Variants in PHLPP2 observed in about 807,000 individuals in gnomAD.
The protein encoded by PHLPP2 is PH domain leucine-rich repeat-containing protein phosphatase 2.
In PHLPP2, 66 loss-of-function variants were observed where a neutral mutation model predicts 124.9. The ratio of observed to expected loss-of-function variants is 0.53; its 90% CI spans 0.43 to 0.65. The LOEUF (loss-of-function observed/expected upper bound fraction) is 0.65, where lower values mean the gene tolerates loss of function less well. Ranked by LOEUF, PHLPP2 falls within the 30% of genes least tolerant of loss-of-function variation. PHLPP2 has a pLI of 0.00. For synonymous variants in PHLPP2, 681 were observed against 624.7 expected (o/e 1.09, Z -1.34); for missense variants, 1,685 against 1,600.4 (o/e 1.05, Z -0.90).
intron 13 of PHLPP2, among the ~76,000 whole-genome samples, chr16:71,662,810 C>T (rs531430139): frequency 3.8e-4 from 58 of 151,952 alleles, no homozygotes; most frequent in Non-Finnish European, 7.1e-4. Flanking sequence ...ATCACTTCAG[C>T]CCAGGAGTTT....
At chr16:71,670,725 A>ACACACACACACACACACACAC (rs2044885284) in intron 10 of PHLPP2, among the ~76,000 whole-genome samples, 1 of 17,986 alleles carries the variant, frequency 5.6e-5, no homozygotes, top group Non-Finnish European at 1.3e-4. Context: ...CACACACGAG[A>ACACACACACACACACACACAC]GGAGGGGAAG....
At chr16:71,664,767 AT>A (rs1222780512) in intron 12 of PHLPP2, among the ~76,000 whole-genome samples, 1 of 151,870 alleles carries the variant, frequency 6.6e-6, no homozygotes, top group Non-Finnish European at 1.5e-5. Context: ...GAAAAAAAAA[AT>A]TTTTTTGTCT....
intron 18 of PHLPP2, among the ~76,000 whole-genome samples, chr16:71,651,461 G>A (rs888518805): frequency 2.0e-5 from 3 of 152,126 alleles, no homozygotes; most frequent in Non-Finnish European, 4.4e-5. Flanking sequence ...CTACTCAGGA[G>A]GCTAAAGCAG....
At chr16:71,664,172 CA>C in intron 12 of PHLPP2, 73 bp from the exon 13 acceptor site, 1 of 1,005,206 alleles carries the variant, frequency 9.9e-7, no homozygotes, top group South Asian at 1.3e-5. Context: ...ACCATCATGT[CA>C]CCTCAGTATG....
Position 71,646,752 on chromosome 16 carries a change from C to G in PHLPP2, c.*2138G>C, listed in dbSNP as rs1382667958. 2 of 152,042 alleles carry G rather than the reference C, an allele frequency of 1.3e-5. No homozygotes were observed. Among genetic ancestry groups the G allele is most frequent in the Non-Finnish European group, 2.9e-5 (2 of 68,026 alleles). 9.4% of individuals were successfully genotyped at this position (152,042 alleles called of 1,614,324 possible). ...ATAAGGTGGCAAAACACTCTTGTTCCCATCTTTCTAACAGCACCTAAACTC... is the reference window on the plus strand; with the variant it reads ...ATAAGGTGGCAAAACACTCTTGTTCGCATCTTTCTAACAGCACCTAAACTC... On this transcript the variant is annotated 3_prime_UTR_variant, in exon 19 of 19. Transcript: ENST00000568954.
Position 71,648,628 on chromosome 16 carries a change from C to T in PHLPP2, c.*262G>A, listed in dbSNP as rs1255763777. ...CTAAAAAAAAAAAATAAAACTTAGC[C>T]GGGCATAATGGCAGGTGCCTGTAAT... On this transcript the variant is annotated 3_prime_UTR_variant, in exon 19 of 19. Coordinates refer to ENST00000568954, the MANE Select transcript of PHLPP2 (RefSeq NM_015020.3). The T allele has an allele frequency of 6.5e-6, 3 of 459,142 alleles. No individual in the cohort carries two copies. Among genetic ancestry groups the T allele is most frequent in the Non-Finnish European group, 1.2e-5 (3 of 260,754 alleles). The allele number at this position is 459,142 out of a possible 1,614,324, so 28.4% of individuals were successfully genotyped here.
intron 4 of PHLPP2, among the ~76,000 whole-genome samples, chr16:71,689,781 C>T (rs1472464965): frequency 6.6e-6 from 1 of 152,120 alleles, no homozygotes; most frequent in Non-Finnish European, 1.5e-5. Flanking sequence ...TCCTGAGTAG[C>T]TGGGATTACA....
In PHLPP2 at chr16:71,650,053, G is replaced by C. The variant is rs182647340; in HGVS notation, c.2818-9C>G. On this transcript the variant is annotated splice_polypyrimidine_tract_variant and intron_variant, in intron 18 of 18. Coordinates refer to ENST00000568954, the MANE Select transcript of PHLPP2 (RefSeq NM_015020.3). ...CCATTCACTTTGTTGTCCTACAGAA[G>C]AGCAGGACACAAATTCTGAGAAACA... The C allele has an allele frequency of 2.5e-6, 4 of 1,593,768 alleles. No individual in the cohort carries two copies. The East Asian group carries it at 9.0e-5, about 36-fold the overall frequency.
intron 15 of PHLPP2, 26 bp from the exon 16 acceptor site, chr16:71,656,707 C>T: frequency 7.7e-7 from 1 of 1,303,114 alleles, no homozygotes; most frequent in South Asian, 1.2e-5. Context: ...GAAGATTAAA[C>T]CATATATTCT....
chr16:71,655,513 T>TC, intron 16 of PHLPP2, 79 bp from the exon 17 acceptor site: 1 of 1,187,472 alleles, frequency 8.4e-7, no homozygotes, highest in Non-Finnish European at 1.2e-6. Context: ...CTTTTTTTTT[T>TC]TTTTTTTGAG....
intron 2 of PHLPP2, among the ~76,000 whole-genome samples, chr16:71,706,987 G>A (rs891931903): frequency 9.4e-6 from 1 of 106,374 alleles, no homozygotes; most frequent in African/African-American, 3.8e-5. Context: ...ACGGAGTCTT[G>A]CTGTCGCCCA....
At chr16:71,666,571 A>T (rs1277462256) in intron 12 of PHLPP2, among the ~76,000 whole-genome samples, 1 of 152,208 alleles carries the variant, frequency 6.6e-6, no homozygotes, top group Non-Finnish European at 1.5e-5. Flanking sequence ...CCACAAAACT[A>T]GTTTTCACTT....
intron 2 of PHLPP2, among the ~76,000 whole-genome samples, chr16:71,703,666 T>G (rs1482655547): frequency 6.6e-6 from 1 of 152,208 alleles, no homozygotes; most frequent in East Asian, 1.9e-4. Flanking sequence ...GTTCAAGTCT[T>G]AGTCCTGCCA....
In PHLPP2 at chr16:71,714,570, T is replaced by C. The variant is rs2045345722; in HGVS notation, c.226A>G (p.Ile76Val). 6.2e-7 allele frequency: 1 copy of C among 1,614,034 alleles called. No homozygotes were observed. Among genetic ancestry groups the C allele is most frequent in the South Asian group, 1.1e-5 (1 of 91,070 alleles). Residue 76 changes from isoleucine to valine, a missense_variant, in exon 2 of 19, where the codon ATA (isoleucine) becomes GTA (valine). Ile to Val is a conservative substitution (Grantham distance 29). Coordinates refer to ENST00000568954, the MANE Select transcript of PHLPP2 (RefSeq NM_015020.3). ...CTTTCTCTTCCCTCTCCAGCACATA[T>C]TTCTGATGCTGGTGTCTCTACAGTG... ...LCTVETPASE[I>V]CAGEGRESLY...
At position 71,663,963 on chromosome 16, in the gene PHLPP2, C is replaced by T. The variant is rs1387346178; in HGVS notation, c.1921G>A (p.Val641Ile). ...AAGATTCGCAGGTGCAGGTGCCCTA[C>T]CAGGACAGGTATGCACTGATCCGTC... ...LLTDQCIPVL[V>I]GHLHLRILHL... The change falls in exon 13 of 19, where the codon GTA becomes ATA. Residue 641 changes from valine (V) to isoleucine (I), a missense_variant. Physicochemically the swap from Val to Ile is conservative, Grantham distance 29. Transcript: ENST00000568954. 2 of 1,613,952 alleles carry T rather than the reference C, an allele frequency of 1.2e-6. No homozygotes were observed. The highest frequency in any genetic ancestry group is 1.3e-5 in the African/African-American group (1 of 74,922).
At chr16:71,684,166 A>G (rs1044474219) in intron 5 of PHLPP2, among the ~76,000 whole-genome samples, 4 of 138,890 alleles carry the variant, frequency 2.9e-5, no homozygotes, top group Non-Finnish European at 6.1e-5. Flanking sequence ...TTGCTCTGTC[A>G]TCAGGCTGGA....
Position 71,658,270 on chromosome 16 carries a change from T to A in PHLPP2, c.2242A>T (p.Asn748Tyr), listed in dbSNP as rs1347026092. ...AGTGTCTTGTGTTCCAGAACCAGAT[T>A]TGTATTTCCAGTCAGGTCAAGGTCT... is the stretch of plus-strand genomic sequence containing the variant. ...LQDLDLTGNT[N>Y]LVLEHKTLDI... is the part of the protein sequence containing the mutation. The change falls in exon 15 of 19, where the codon AAT becomes TAT. Residue 748 changes from asparagine (N) to tyrosine (Y), a missense_variant. By Grantham distance (143) the Asn-to-Tyr change is moderately radical. Transcript: ENST00000568954. 1 of 1,613,886 alleles carries A rather than the reference T, an allele frequency of 6.2e-7. No homozygotes were observed. The highest frequency in any genetic ancestry group is 1.3e-5 in the African/African-American group (1 of 74,926).
At chr16:71,714,469 T>A in intron 2 of PHLPP2, 43 bp downstream of exon 2, 1 of 1,525,164 alleles carries the variant, frequency 6.6e-7, no homozygotes, top group East Asian at 2.3e-5. Flanking sequence ...CACATTATTA[T>A]TTATATTACG....
At position 71,658,857 on chromosome 16, in the gene PHLPP2, A is replaced by C. The variant is rs939724417; in HGVS notation, c.1986-42T>G. 1.9e-6 allele frequency: 3 copies of C among 1,584,676 alleles called. No homozygotes were observed. The Admixed American group carries it at 5.1e-5, about 27-fold the overall frequency. On this transcript the variant is annotated intron_variant, in intron 13 of 18. Transcript: ENST00000568954. ...AGAATACTATAATGCACCAAGACTG[A>C]GCAGCTGCCAAGGAAGTGCTATTCT...
Sources: gnomAD v4.1 joint callset for allele counts (sites outside exome capture counted in the v4.1 genomes callset) on GRCh38, gnomAD v4.1.1 for gene constraint, MANE v1.5 for transcripts, NCBI Gene and HGNC (gene_info 2026-07-23, HGNC 2026-07-21) for gene names.